POLR3E: variants seen among roughly 807,000 people sequenced by gnomAD.
The protein encoded by POLR3E is DNA-directed RNA polymerase III subunit RPC5.
In POLR3E, 41 loss-of-function variants were observed where a neutral mutation model predicts 96.6. The ratio of observed to expected loss-of-function variants is 0.42; its 90% CI spans 0.33 to 0.55. The LOEUF (loss-of-function observed/expected upper bound fraction) is 0.55. POLR3E is among the 20% of genes least tolerant of loss of function. The pLI, the probability that POLR3E is intolerant of heterozygous loss-of-function variation, is 0.06. For synonymous variants in POLR3E, 396 were observed against 383.6 expected, an observed-to-expected ratio of 1.03 and a Z score of -0.38; for missense variants, 849 against 952.1, an observed-to-expected ratio of 0.89 and a Z score of 1.43.
chr16:22,324,558 A>C lies in POLR3E; in HGVS notation c.1184A>C (p.Asn395Thr). ...FLEHMAVVRI[N>T]KGWEFILPYD... ...GAGCACATGGCCGTGGTGAGGATCAACAAAGGCTGGGAGTTCATTCTGCCT... is the reference window on the plus strand; with the variant it reads ...GAGCACATGGCCGTGGTGAGGATCACCAAAGGCTGGGAGTTCATTCTGCCT... The change falls in exon 16 of 21, where the codon AAC (asparagine) becomes ACC (threonine). Residue 395 changes from asparagine (N) to threonine (T), a missense_variant. By Grantham distance (65) the Asn-to-Thr change is moderately conservative. Coordinates refer to ENST00000299853, the MANE Select transcript of POLR3E (RefSeq NM_018119.4). The C allele has an allele frequency of 6.2e-7, 1 of 1,613,252 alleles. No individual in the cohort carries two copies. The highest frequency in any genetic ancestry group is 8.5e-7 in the Non-Finnish European group (1 of 1,179,694).
intron 3 of POLR3E, among the ~76,000 whole-genome samples, chr16:22,307,162 C>G (rs1462724890): frequency 6.6e-6 from 1 of 152,060 alleles, no homozygotes; most frequent in Non-Finnish European, 1.5e-5. Context: ...CTCAGGGAGG[C>G]GAGGTGCCTG....
chr16:22,316,474 C>A, intron 9 of POLR3E, 127 bp from the exon 10 acceptor site: 1 of 677,788 alleles, frequency 1.5e-6, no homozygotes, highest in Non-Finnish European at 2.6e-6. Context: ...CCTTGGGTGC[C>A]GTGCTCAGGA....
rs1022035245 is a variant in POLR3E at position 22,319,061 on chromosome 16, C to G, written c.986+115C>G. The G allele has an allele frequency of 6.4e-5, 44 of 685,456 alleles. 1 individual carries two copies. 42.5% of individuals were successfully genotyped at this position (685,456 alleles called of 1,614,324 possible). ...GCAATCTCGGCTCACTGTAACTTCT[C>G]CCTCCCAGGTCCAAGCAACTCTCCT... On this transcript the variant is annotated intron_variant, in intron 13 of 20. Transcript: ENST00000299853.
At chr16:22,306,402 C>T (rs535209153) in intron 3 of POLR3E, among the ~76,000 whole-genome samples, 10 of 152,226 alleles carry the variant, frequency 6.6e-5, no homozygotes, top group African/African-American at 9.6e-5. Flanking sequence ...ACTACAGGCA[C>T]GCGCCACAAG....
intron 1 of POLR3E, chr16:22,299,137 G>A: frequency 2.3e-6 from 1 of 438,698 alleles, no homozygotes; most frequent in South Asian, 1.6e-5. Context: ...GGTGGTCAGG[G>A]AACCTATCCT....
chr16:22,317,092 C>A, intron 11 of POLR3E, 23 bp from the exon 12 acceptor site: 1 of 1,613,920 alleles, frequency 6.2e-7, no homozygotes, highest in Non-Finnish European at 8.5e-7. Flanking sequence ...CTGCCTCTAA[C>A]CCGTCCCCTC....
rs1451325100 is a variant in POLR3E, at chr16:22,333,894, A to T, written c.*194A>T. The stretch of plus-strand genomic sequence containing the variant: ...CGCAGGGTCAGCTTAAGTTAGTTAG[A>T]TCACTCCCAGAAGAGACCAGCTGGG... On this transcript the variant is annotated 3_prime_UTR_variant, in exon 21 of 21. Transcript: ENST00000299853. 3 of 538,522 alleles carry T rather than the reference A, an allele frequency of 5.6e-6. No individual in the cohort carries two copies. The highest frequency in any genetic ancestry group is 3.8e-5 in the African/African-American group (2 of 53,142). The allele number at this position is 538,522 out of a possible 1,614,324, so 33.4% of individuals were successfully genotyped here.
At chr16:22,331,822 T>TTTATA in intron 19 of POLR3E, 1 of 409,326 alleles carries the variant, frequency 2.4e-6, no homozygotes, top group Non-Finnish European at 4.5e-6. Context: ...TTTGTTTTTA[T>TTTATA]TTATATTCAA....
At chr16:22,308,775 G>C in intron 4 of POLR3E, 150 bp from the exon 5 acceptor site, 2 of 597,972 alleles carry the variant, frequency 3.3e-6, no homozygotes, top group Non-Finnish European at 6.0e-6. Context: ...CCTTGGTGTG[G>C]ACTGAAGTCC....
intron 2 of POLR3E, 152 bp from the exon 3 acceptor site, chr16:22,305,004 G>C (rs2305967): frequency 0.044 from 31,165 of 701,890 alleles, 1,558 homozygotes; most frequent in African/African-American, 0.15. Flanking sequence ...CCTTGGATCC[G>C]CTTGCTTTTA....
Position 22,311,059 on chromosome 16 carries a change from G to A in POLR3E, c.364+1549G>A, listed in dbSNP as rs144141729. ...TGGCTCACTGAAACCTCTGCCTTCC[G>A]GTTTCAAGCAGTTCTCCTGTCTCAG... On this transcript the variant is annotated intron_variant, in intron 6 of 20. Transcript: ENST00000299853. Among the ~76,000 whole-genome samples, 61 of 152,248 alleles carry A rather than the reference G, an allele frequency of 4.0e-4. No homozygotes were observed. In the Middle Eastern group the frequency reaches 0.014, roughly 34 times the overall value.
At chr16:22,314,696 C>T (rs865976849) in intron 8 of POLR3E, among the ~76,000 whole-genome samples, 2 of 152,082 alleles carry the variant, frequency 1.3e-5, no homozygotes, top group Non-Finnish European at 2.9e-5. Context: ...GGAACACGGG[C>T]GTAATGGACA....
Position 22,316,602 on chromosome 16 carries a change from AC to A in POLR3E, c.645del (p.Asp215GlufsTer32), listed in dbSNP as rs759668894. 6.2e-7 allele frequency: 1 copy of A among 1,613,268 alleles called. No individual in the cohort carries two copies. The highest frequency in any genetic ancestry group is 1.1e-5 in the South Asian group (1 of 91,062). On this transcript the variant is annotated frameshift_variant and splice_region_variant, in exon 10 of 21. Coordinates refer to ENST00000299853, the MANE Select transcript of POLR3E (RefSeq NM_018119.4). LOFTEE classifies it high-confidence loss of function. ...TCACACCCTGCCCTCCTCCAACAGG[AC>A]AGTCGCTCTGAGCATGAGCGTCAGT... ...WVHLHYYGLR[D>X]SRSEHERQYL... is the part of the protein sequence containing the mutation.
chr16:22,332,018 T>C (rs1250450501), intron 19 of POLR3E, 42 bp from the exon 20 acceptor site: 1 of 1,599,486 alleles, frequency 6.3e-7, no homozygotes, highest in South Asian at 1.1e-5. Context: ...TTTCTCTTTT[T>C]AGATCACTGT....
chr16:22,324,071 G>A (rs958546960), intron 14 of POLR3E, among the ~76,000 whole-genome samples: 1 of 142,414 alleles, frequency 7.0e-6, no homozygotes, highest in Admixed American at 6.7e-5. Context: ...TCGTATCCTC[G>A]GAGCTGGGCA....
chr16:22,324,327 T>G (rs755142948), intron 14 of POLR3E, 27 bp from the exon 15 acceptor site: 5 of 1,605,734 alleles, frequency 3.1e-6, no homozygotes, highest in Non-Finnish European at 4.3e-6. Context: ...TGGCCGCCCC[T>G]GGAATGTGCT....
chr16:22,325,111 A>C, intron 16 of POLR3E, 94 bp from the exon 17 acceptor site: 2 of 951,366 alleles, frequency 2.1e-6, no homozygotes, highest in East Asian at 4.8e-5. Flanking sequence ...GTCAGTAACC[A>C]GCGTGTCCTG....
At chr16:22,304,407 G>A (rs2048092401) in intron 2 of POLR3E, among the ~76,000 whole-genome samples, 1 of 152,188 alleles carries the variant, frequency 6.6e-6, no homozygotes, top group South Asian at 2.1e-4. Context: ...ACAACAGGGG[G>A]GTTGGTGATG....
chr16:22,325,540 C>G (rs1011691756), intron 17 of POLR3E, among the ~76,000 whole-genome samples: 3 of 152,148 alleles, frequency 2.0e-5, no homozygotes, highest in South Asian at 2.1e-4. Context: ...CAAGCGGGCC[C>G]GGAAGAGCTG....
Sources: allele counts gnomAD v4.1 joint callset (sites outside exome capture counted in the v4.1 genomes callset), GRCh38; gene constraint gnomAD v4.1.1; transcripts MANE v1.5; gene names NCBI Gene and HGNC (gene_info 2026-07-23, HGNC 2026-07-21).